CASKIN1: variants seen among roughly 807,000 people sequenced by gnomAD.
The protein encoded by CASKIN1 is CASK interacting protein 1.
In CASKIN1, 42 loss-of-function variants were observed where a neutral mutation model predicts 117.5. That is an observed-to-expected ratio of 0.36 (90% CI 0.28 to 0.46). The LOEUF is 0.46. CASKIN1 is among the 20% of genes least tolerant of loss of function. The probability of loss-of-function intolerance (pLI) is 1.00; values close to 1 mark genes in which losing one functional copy is unlikely to be tolerated. For synonymous variants in CASKIN1, 1,148 were observed against 961.7 expected, an observed-to-expected ratio of 1.19 and a Z score of -3.59; for missense variants, 2,083 against 2,077.3, an observed-to-expected ratio of 1.00 and a Z score of -0.05.
At position 2,179,182 on chromosome 16, in the gene CASKIN1, G is replaced by A. The variant is rs2093157297; in HGVS notation, c.3919C>T (p.Pro1307Ser). The A allele has an allele frequency of 3.6e-6, 4 of 1,125,834 alleles. No homozygotes were observed. The Admixed American group carries it at 1.5e-4, about 42-fold the overall frequency. 69.7% of individuals were successfully genotyped at this position (1,125,834 alleles called of 1,614,324 possible). ...GGCGGCTTGGCGAGGGCGGCGGGCG[G>A]CTGTCGCGCGGGCGAGGGTGCGGGT... ...PSPAPSPARQ[P>S]PAALAKPPGT... is the part of the protein sequence containing the mutation. The change falls in exon 19 of 20, where the codon CCG becomes TCG. Residue 1307 changes from proline (P) to serine (S), a missense_variant. By Grantham distance (74) the Pro-to-Ser change is moderately conservative. Transcript: ENST00000343516. The surrounding 1 kb of genome is among the most constrained non-coding windows in gnomAD (Gnocchi z 5.8).
In CASKIN1 at chr16:2,182,273, G is replaced by A. The variant is rs888768221; in HGVS notation, c.1630-344C>T. Among the ~76,000 whole-genome samples, 1 of 152,018 alleles carries A rather than the reference G, an allele frequency of 6.6e-6. No homozygotes were observed. The highest frequency in any genetic ancestry group is 1.5e-5 in the Non-Finnish European group (1 of 67,970). On this transcript the variant is annotated intron_variant, in intron 16 of 19. Transcript: ENST00000343516. The surrounding 1 kb of genome is among the most constrained non-coding windows in gnomAD (Gnocchi z 4.1). ...CCCGAGTCATGGACACAGACGCATG[G>A]GGCCACACCTGGTACAGGAACACGC...
rs1156847527 is a variant in CASKIN1, at chr16:2,185,136, A to G, written c.1214T>C (p.Leu405Pro). ...AGGRGSGGHA[L>P]HAGSEGVKLL... ...CTTGACGCCTTCAGAGCCCGCGTGT[A>G]GGGCGTGACCCCCGCTGCCCCGGCC... Residue 405 changes from leucine to proline, a missense_variant, in exon 12 of 20, where the codon CTA becomes CCA. Transcript: ENST00000343516. 6.2e-7 allele frequency: 1 copy of G among 1,609,130 alleles called. No homozygotes were observed. The highest frequency in any genetic ancestry group is 2.2e-5 in the East Asian group (1 of 44,868).
Position 2,180,965 on chromosome 16 carries a change from C to T in CASKIN1, c.2403G>A (p.Thr801=), listed in dbSNP as rs368241314. ...LGGPHGPAPA[T]AKVKPTPQLL... Reference sequence around the variant, plus strand: ...GCTGCGGGGTGGGCTTCACCTTGGCCGTAGCTGGGGCTGGACCATGAGGTC... The same window carrying T: ...GCTGCGGGGTGGGCTTCACCTTGGCTGTAGCTGGGGCTGGACCATGAGGTC... The change falls in exon 18 of 20, where the codon ACG becomes ACA. Residue 801 remains threonine (T), a synonymous_variant. Transcript: ENST00000343516. 1.0e-4 allele frequency: 154 copies of T among 1,467,354 alleles called. No homozygotes were observed. In the East Asian group the frequency reaches 2.3e-3, roughly 22 times the overall value. 90.9% of individuals were successfully genotyped at this position (1,467,354 alleles called of 1,614,324 possible).
chr16:2,184,503 C>T (rs888008247), intron 14 of CASKIN1, among the ~76,000 whole-genome samples: 15 of 152,216 alleles, frequency 9.9e-5, no homozygotes, highest in African/African-American at 1.2e-4. Flanking sequence ...CACAGACACG[C>T]GTGCCCAGCT....
rs1056269926 is a variant in CASKIN1 at position 2,183,695 on chromosome 16, G to A, written c.1580C>T (p.Ala527Val). ...TKPGHRKKIA[A>V]EISGLSIPDW... is the part of the protein sequence containing the mutation. Reference sequence around the variant, plus strand: ...AGGGATGCTTAGGCCGCTGATCTCTGCCGCGATCTTCTTCCGGTGGCCCGG... The same window carrying A: ...AGGGATGCTTAGGCCGCTGATCTCTACCGCGATCTTCTTCCGGTGGCCCGG... Residue 527 changes from alanine to valine, a missense_variant, in exon 16 of 20, where the codon GCA becomes GTA. Ala to Val is a moderately conservative substitution (Grantham distance 64). Transcript: ENST00000343516. The A allele has an allele frequency of 7.4e-6, 12 of 1,613,408 alleles. No individual in the cohort carries two copies. The highest frequency in any genetic ancestry group is 1.0e-5 in the Non-Finnish European group (12 of 1,179,996).
chr16:2,193,260 G>A (rs1412418875), intron 1 of CASKIN1, among the ~76,000 whole-genome samples: 5 of 152,080 alleles, frequency 3.3e-5, no homozygotes, highest in African/African-American at 7.2e-5. Context: ...CAGGTGATCC[G>A]CCTGCCTCAG....
chr16:2,193,603 C>T (rs2093206949), intron 1 of CASKIN1, among the ~76,000 whole-genome samples: 1 of 152,368 alleles, frequency 6.6e-6, no homozygotes, highest in African/African-American at 2.4e-5. Flanking sequence ...TGGAAACCAC[C>T]TTCTCACCCA....
Position 2,183,812 on chromosome 16 carries a change from C to G in CASKIN1, c.1527+19G>C. ...ATCTGTGGGACGCAGCTGGCGCTGG[C>G]GGCGCATGGAAAGCTCACCTCGGGA... is the stretch of plus-strand genomic sequence containing the variant. On this transcript the variant is annotated intron_variant, in intron 15 of 19. Transcript: ENST00000343516. 6.2e-7 allele frequency: 1 copy of G among 1,611,312 alleles called. No homozygotes were observed. Among genetic ancestry groups the G allele is most frequent in the Non-Finnish European group, 8.5e-7 (1 of 1,178,442 alleles).
Position 2,186,965 on chromosome 16 carries a change from G to A in CASKIN1, c.930+13C>T, listed in dbSNP as rs781302917. The A allele has an allele frequency of 6.2e-7, 1 of 1,613,482 alleles. No homozygotes were observed. The highest frequency in any genetic ancestry group is 1.1e-5 in the South Asian group (1 of 91,080). ...CCCCTCCCTGCTGAGATGGCCCCTG[G>A]GGCCATGCTTACTGTGATGATGTCC... is the stretch of plus-strand genomic sequence containing the variant. On this transcript the variant is annotated intron_variant, in intron 9 of 19. Transcript: ENST00000343516.
chr16:2,183,813 G>C lies in CASKIN1; in HGVS notation c.1527+18C>G, dbSNP rs760188792. The C allele has an allele frequency of 2.4e-5, 39 of 1,611,626 alleles. No homozygotes were observed. The African/African-American group carries it at 4.7e-4, about 19-fold the overall frequency. ...TCTGTGGGACGCAGCTGGCGCTGGC[G>C]GCGCATGGAAAGCTCACCTCGGGAG... On this transcript the variant is annotated intron_variant, in intron 15 of 19. Coordinates refer to ENST00000343516, the MANE Select transcript of CASKIN1 (RefSeq NM_020764.4).
chr16:2,191,986 G>C (rs774038352), intron 1 of CASKIN1, among the ~76,000 whole-genome samples: 1 of 152,198 alleles, frequency 6.6e-6, no homozygotes, highest in Non-Finnish European at 1.5e-5. Context: ...ACCCCGTCGG[G>C]GTTCCCTGGG....
In CASKIN1 at chr16:2,179,785, G is replaced by A; in HGVS notation, c.3583C>T (p.Pro1195Ser). 6.4e-7 allele frequency: 1 copy of A among 1,570,594 alleles called. No homozygotes were observed. The highest frequency in any genetic ancestry group is 8.6e-7 in the Non-Finnish European group (1 of 1,162,228). Reference protein sequence around the residue: ...QAGPPELPPPPPPAEPPPTDL... With the variant: ...QAGPPELPPPSPPAEPPPTDL... ...GTGGGCGGGGGTTCGGCAGGCGGGG[G>A]CGGTGGAGGCAGCTCCGGAGGCCCA... is the stretch of plus-strand genomic sequence containing the variant. The change falls in exon 18 of 20, where the codon CCC becomes TCC. Residue 1195 changes from proline (P) to serine (S), a missense_variant. Pro to Ser is a moderately conservative substitution (Grantham distance 74). Around this residue, in one of 3 missense-constraint regions of CASKIN1, gnomAD observed 1,818 missense variants for 1,688.9 expected, o/e 1.08. Coordinates refer to ENST00000343516, the MANE Select transcript of CASKIN1 (RefSeq NM_020764.4). The surrounding 1 kb of genome is among the most constrained non-coding windows in gnomAD (Gnocchi z 5.8).
intron 10 of CASKIN1, among the ~76,000 whole-genome samples, chr16:2,186,266 G>A (rs542563484): frequency 3.4e-3 from 525 of 152,294 alleles, no homozygotes; most frequent in Non-Finnish European, 4.9e-3. Context: ...ACCACGCCTG[G>A]CGCCGCCGGC....
In CASKIN1 at chr16:2,177,353, C is replaced by T. The variant is rs564093492; in HGVS notation, c.*1197G>A. 2.1e-4 allele frequency: 50 copies of T among 233,894 alleles called. No individual in the cohort carries two copies. The highest frequency in any genetic ancestry group is 3.3e-4 in the Non-Finnish European group (39 of 118,390). 14.5% of individuals were successfully genotyped at this position (233,894 alleles called of 1,614,324 possible). On this transcript the variant is annotated 3_prime_UTR_variant, in exon 20 of 20. Transcript: ENST00000343516. ...GACAGCAGGAAGGGGCCCTGCACGCCGGGACGCCACCTCCGCCAGCCGCCT... is the reference window on the plus strand; with the variant it reads ...GACAGCAGGAAGGGGCCCTGCACGCTGGGACGCCACCTCCGCCAGCCGCCT...
At chr16:2,178,827 C>A in intron 19 of CASKIN1, 75 bp downstream of exon 19, 1 of 1,338,798 alleles carries the variant, frequency 7.5e-7, no homozygotes, top group South Asian at 1.6e-5. Flanking sequence ...TGCCGAGCCC[C>A]GCCCATCTCT....
At position 2,189,162 on chromosome 16, in the gene CASKIN1, A is replaced by AAGG; in HGVS notation, c.487-8_487-6dup. 6.2e-7 allele frequency: 1 copy of AAGG among 1,612,654 alleles called. No individual in the cohort carries two copies. The highest frequency in any genetic ancestry group is 8.5e-7 in the Non-Finnish European group (1 of 1,179,502). On this transcript the variant is annotated splice_polypyrimidine_tract_variant and splice_region_variant and intron_variant, in intron 5 of 19. Transcript: ENST00000343516. ...GCTGAGGAGCAGCTGGACCACCTTGAAGGAGGGGTCAGGGTAGGGGGGTCC... is the reference window on the plus strand; with the variant it reads ...GCTGAGGAGCAGCTGGACCACCTTGAAGGAGGAGGGGTCAGGGTAGGGGGGTCC...
At position 2,180,773 on chromosome 16, in the gene CASKIN1, C is replaced by G; in HGVS notation, c.2595G>C (p.Leu865=). 7.0e-7 allele frequency: 1 copy of G among 1,430,116 alleles called. No homozygotes were observed. 88.6% of individuals were successfully genotyped at this position (1,430,116 alleles called of 1,614,324 possible). Residue 865 remains leucine, a synonymous_variant, in exon 18 of 20, where the codon CTG becomes CTC. Transcript: ENST00000343516. The stretch of plus-strand genomic sequence containing the variant: ...CCGGCTCCGCGTCGGCCTCAGGGGG[C>G]AGGCACAGTGTGGGCACAGCCGTCG... The part of the protein sequence containing the change: ...PVPTAVPTLC[L]PPEADAEPGR...
At position 2,179,379 on chromosome 16, in the gene CASKIN1, C is replaced by G; in HGVS notation, c.3776-54G>C. On this transcript the variant is annotated intron_variant, in intron 18 of 19. Coordinates refer to ENST00000343516, the MANE Select transcript of CASKIN1 (RefSeq NM_020764.4). The surrounding 1 kb of genome is among the most constrained non-coding windows in gnomAD (Gnocchi z 5.8). ...CGGGCACGAGTTCCGCCGCCGCGCC[C>G]CCTGCCCCAGCCTCCCGCGGCTTCC... 1 of 1,336,666 alleles carries G rather than the reference C, an allele frequency of 7.5e-7. No individual in the cohort carries two copies. The highest frequency in any genetic ancestry group is 9.5e-7 in the Non-Finnish European group (1 of 1,050,614). 82.8% of individuals were successfully genotyped at this position (1,336,666 alleles called of 1,614,324 possible).
In CASKIN1 at chr16:2,179,440, C is replaced by T; in HGVS notation, c.3776-115G>A. 3.7e-6 allele frequency: 5 copies of T among 1,357,602 alleles called. No individual in the cohort carries two copies. The highest frequency in any genetic ancestry group is 1.9e-5 in the South Asian group (1 of 53,244). The allele number at this position is 1,357,602 out of a possible 1,614,324, so 84.1% of individuals were successfully genotyped here. On this transcript the variant is annotated intron_variant, in intron 18 of 19. Transcript: ENST00000343516. The surrounding 1 kb of genome is among the most constrained non-coding windows in gnomAD (Gnocchi z 5.8). Reference sequence around the variant, plus strand: ...ACCGGGAAAGACCCTGCTCACCTTGCCCCCAGCCCTGGATGGATGAGAGGG... The same window carrying T: ...ACCGGGAAAGACCCTGCTCACCTTGTCCCCAGCCCTGGATGGATGAGAGGG...
Sources: allele counts gnomAD v4.1 joint callset (sites outside exome capture counted in the v4.1 genomes callset), GRCh38; gene constraint gnomAD v4.1.1; regional missense constraint gnomAD v4.1.1; non-coding constraint Gnocchi (gnomAD v3.1); transcripts MANE v1.5; gene names NCBI Gene and HGNC (gene_info 2026-07-23, HGNC 2026-07-21).